RAI14: variants seen among roughly 807,000 people sequenced by gnomAD.
RAI14 encodes ankycorbin.
Under a neutral mutation model 115.4 loss-of-function variants are expected in RAI14, and 45 were observed. The observed-to-expected ratio is 0.39, with a 90% CI of 0.31 to 0.50. The LOEUF (loss-of-function observed/expected upper bound fraction) is 0.50. Ranked by LOEUF, RAI14 falls within the 20% of genes least tolerant of loss-of-function variation. RAI14 has a pLI of 0.85. For missense variants in RAI14, 939 were observed against 1,131.2 expected (o/e 0.83, Z 2.44); for synonymous variants, 371 against 415.4 (o/e 0.89, Z 1.30).
At chr5:34,687,156 G>GT (rs1437945364) in intron 2 of RAI14, among the ~76,000 whole-genome samples, 2 of 152,134 alleles carry the variant, frequency 1.3e-5, no homozygotes, top group Non-Finnish European at 2.9e-5. Context: ...CAAAAACAAT[G>GT]TTTTTTTATT....
chr5:34,794,571 G>A (rs752051912), intron 3 of RAI14, among the ~76,000 whole-genome samples: 32 of 152,182 alleles, frequency 2.1e-4, no homozygotes, highest in Admixed American at 8.5e-4. Context: ...AAATAGTTGC[G>A]TGAGTAGAGC....
chr5:34,803,946 G>A (rs1561057591), intron 5 of RAI14, among the ~76,000 whole-genome samples, 170 bp downstream of exon 5: 1 of 152,140 alleles, frequency 6.6e-6, no homozygotes. Flanking sequence ...GGAGAAGACT[G>A]TCTCCATAGC....
In RAI14 at chr5:34,831,625, G is replaced by T. The variant is rs1380145616; in HGVS notation, c.*860G>T. On this transcript the variant is annotated 3_prime_UTR_variant, in exon 18 of 18. Transcript: ENST00000265109. ...TTTTTTCTCTGTAATATTTTTATTG[G>T]CTCATAAAGATGTTTTCATATCTGA... The T allele has an allele frequency of 6.6e-6, 1 of 152,284 alleles. No homozygotes were observed. Among genetic ancestry groups the T allele is most frequent in the African/African-American group, 2.4e-5 (1 of 41,380 alleles). 9.4% of individuals were successfully genotyped at this position (152,284 alleles called of 1,614,324 possible).
chr5:34,687,949 C>A, intron 2 of RAI14: 1 of 992,148 alleles, frequency 1.0e-6, no homozygotes, highest in Non-Finnish European at 1.5e-6. Context: ...TAACTTACTG[C>A]CCTGATAAAA....
At chr5:34,742,442 C>CT (rs1745625600) in intron 2 of RAI14, among the ~76,000 whole-genome samples, 1 of 152,112 alleles carries the variant, frequency 6.6e-6, no homozygotes, top group South Asian at 2.1e-4. Flanking sequence ...AGCATTCATA[C>CT]TTTTTTCAGA....
At chr5:34,824,873 G>A (rs1418659192) in intron 15 of RAI14, among the ~76,000 whole-genome samples, 1 of 150,214 alleles carries the variant, frequency 6.7e-6, no homozygotes, top group Non-Finnish European at 1.5e-5. Flanking sequence ...GAACCCAGGA[G>A]GTGGAGGTTG....
chr5:34,816,998 C>T (rs941666649), intron 12 of RAI14, among the ~76,000 whole-genome samples: 1 of 151,932 alleles, frequency 6.6e-6, no homozygotes, highest in Non-Finnish European at 1.5e-5. Context: ...AGGCCAGGCT[C>T]GGTGGCTCAC....
chr5:34,779,931 A>C lies in RAI14; in HGVS notation c.168-16008A>C, dbSNP rs11954628. Among the ~76,000 whole-genome samples, 119 of 152,200 alleles carry C rather than the reference A, an allele frequency of 7.8e-4. No homozygotes were observed. The East Asian group carries it at 0.016, about 20-fold the overall frequency. ...TTGCCAAGTCAATCCTAAGCCAAAAAAACAAAGCTGGAGGCATCACACTAC... is the reference window on the plus strand; with the variant it reads ...TTGCCAAGTCAATCCTAAGCCAAAACAACAAAGCTGGAGGCATCACACTAC... On this transcript the variant is annotated intron_variant, in intron 3 of 17. Coordinates refer to ENST00000265109, the MANE Select transcript of RAI14 (RefSeq NM_015577.3).
intron 2 of RAI14, among the ~76,000 whole-genome samples, chr5:34,694,863 A>T (rs2149907091): frequency 6.6e-6 from 1 of 152,142 alleles, no homozygotes; most frequent in East Asian, 1.9e-4. Context: ...TTTTGATGAG[A>T]TTCAATGTGA....
chr5:34,660,110 A>G (rs905847873), intron 1 of RAI14, among the ~76,000 whole-genome samples: 1 of 152,036 alleles, frequency 6.6e-6, no homozygotes, highest in Non-Finnish European at 1.5e-5. Flanking sequence ...CTGGATGTCA[A>G]GGCTGCAGTG....
At chr5:34,664,092 A>G (rs933024982) in intron 1 of RAI14, among the ~76,000 whole-genome samples, 2 of 152,146 alleles carry the variant, frequency 1.3e-5, no homozygotes, top group Admixed American at 6.5e-5. Context: ...AGCAGAATCT[A>G]GTTGTGAGAA....
chr5:34,797,858 A>G (rs1250844671), intron 4 of RAI14, among the ~76,000 whole-genome samples: 1 of 152,236 alleles, frequency 6.6e-6, no homozygotes, highest in Non-Finnish European at 1.5e-5. Context: ...TAAGAAACCC[A>G]TAATCTGAAA....
At chr5:34,768,361 A>G (rs1316092989) in intron 3 of RAI14, among the ~76,000 whole-genome samples, 4 of 152,214 alleles carry the variant, frequency 2.6e-5, no homozygotes, top group Non-Finnish European at 5.9e-5. Context: ...GATAACAGAA[A>G]TCAGATAAAT....
intron 3 of RAI14, among the ~76,000 whole-genome samples, chr5:34,761,631 A>G (rs2150105383): frequency 6.6e-6 from 1 of 152,162 alleles, no homozygotes; most frequent in East Asian, 1.9e-4. Context: ...CTGGAAGTGG[A>G]GCTGTCTGCT....
At chr5:34,766,068 T>C (rs751514740) in intron 3 of RAI14, among the ~76,000 whole-genome samples, 17 of 152,214 alleles carry the variant, frequency 1.1e-4, no homozygotes, top group Admixed American at 5.9e-4. Context: ...TACACCTGGA[T>C]TTCAGAAGAT....
intron 3 of RAI14, 103 bp downstream of exon 3, chr5:34,757,701 CA>C: frequency 7.3e-7 from 1 of 1,374,740 alleles, no homozygotes; most frequent in Non-Finnish European, 9.7e-7. Context: ...GCTCCCTCTC[CA>C]CTCCCATGTT....
chr5:34,712,834 A>C (rs1434561750), intron 2 of RAI14, among the ~76,000 whole-genome samples: 2 of 152,172 alleles, frequency 1.3e-5, no homozygotes, highest in Non-Finnish European at 2.9e-5. Context: ...ATCAAAGAAA[A>C]AGGAAGGTTG....
chr5:34,766,974 A>G (rs533367841), intron 3 of RAI14, among the ~76,000 whole-genome samples: 43 of 151,954 alleles, frequency 2.8e-4, no homozygotes, highest in African/African-American at 1.0e-3. Flanking sequence ...CCACTTTTGC[A>G]TCTTCGTCAT....
chr5:34,682,092 T>C (rs1220392301), intron 1 of RAI14, among the ~76,000 whole-genome samples: 1 of 152,068 alleles, frequency 6.6e-6, no homozygotes, highest in African/African-American at 2.4e-5. Flanking sequence ...CGACCTCAAA[T>C]GATCCACCCG....
Sources: gnomAD v4.1 joint callset for allele counts (sites outside exome capture counted in the v4.1 genomes callset) on GRCh38, gnomAD v4.1.1 for gene constraint, MANE v1.5 for transcripts, NCBI Gene and HGNC (gene_info 2026-07-23, HGNC 2026-07-21) for gene names.